The following DIS3L2 variants were observed in gnomAD, a reference collection of about 807,000 sequenced individuals.
The protein encoded by DIS3L2 is DIS3-like exonuclease 2.
In DIS3L2, 34 loss-of-function variants were observed where a neutral mutation model predicts 97.5. That is an observed-to-expected ratio of 0.35 (90% CI 0.27 to 0.46). The LOEUF is 0.46. Among genes scored for constraint, DIS3L2 ranks in the 20% least tolerant of loss-of-function variants. The pLI, the probability that DIS3L2 is intolerant of heterozygous loss-of-function variation, is 1.00. For missense variants in DIS3L2, 1,038 were observed against 1,146.0 expected, an observed-to-expected ratio of 0.91 and a Z score of 1.36; for synonymous variants, 435 against 445.2, an observed-to-expected ratio of 0.98 and a Z score of 0.29.
chr2:232,045,396 C>T (rs1695210198), intron 5 of DIS3L2, among the ~76,000 whole-genome samples: 1 of 152,120 alleles, frequency 6.6e-6, no homozygotes, highest in Admixed American at 6.5e-5. Context: ...TTTTGTGCTG[C>T]TGTAACAAAA....
chr2:232,291,163 A>C (rs1022822876), intron 13 of DIS3L2, among the ~76,000 whole-genome samples: 2 of 152,230 alleles, frequency 1.3e-5, no homozygotes, highest in Admixed American at 1.3e-4. Flanking sequence ...TTGCCATAGA[A>C]TCGTCATTAA....
chr2:231,995,412 TG>T (rs1693705523), intron 1 of DIS3L2, among the ~76,000 whole-genome samples: 1 of 152,200 alleles, frequency 6.6e-6, no homozygotes, highest in South Asian at 2.1e-4. Flanking sequence ...GACTTTCCTA[TG>T]GAACCTAGAT....
intron 10 of DIS3L2, among the ~76,000 whole-genome samples, chr2:232,216,092 G>A (rs1025463848): frequency 5.9e-5 from 9 of 152,174 alleles, no homozygotes; most frequent in Non-Finnish European, 1.2e-4. Flanking sequence ...ACTTTCACTT[G>A]TGTCTGTCAG....
intron 1 of DIS3L2, among the ~76,000 whole-genome samples, chr2:231,989,741 G>A (rs1693532446): frequency 6.6e-6 from 1 of 152,146 alleles, no homozygotes; most frequent in African/African-American, 2.4e-5. Flanking sequence ...GAGCTGAAGT[G>A]GGAGGATTAC....
At chr2:231,982,926 C>T (rs1270796768) in intron 1 of DIS3L2, among the ~76,000 whole-genome samples, 2 of 152,094 alleles carry the variant, frequency 1.3e-5, no homozygotes, top group Non-Finnish European at 2.9e-5. Flanking sequence ...ATGATCCACC[C>T]ACCTCGGCCT....
chr2:232,031,725 C>T (rs1466373112), intron 5 of DIS3L2, among the ~76,000 whole-genome samples: 4 of 151,984 alleles, frequency 2.6e-5, no homozygotes, highest in African/African-American at 9.7e-5. Context: ...TTGTTCACCT[C>T]CCACTTATGA....
At chr2:232,071,157 A>G (rs1696005133) in intron 5 of DIS3L2, among the ~76,000 whole-genome samples, 1 of 152,194 alleles carries the variant, frequency 6.6e-6, no homozygotes, top group African/African-American at 2.4e-5. Flanking sequence ...AAGGGAGTTA[A>G]TATAGTTTTC....
chr2:232,243,547 A>G (rs1289360731), intron 11 of DIS3L2, among the ~76,000 whole-genome samples: 3 of 152,148 alleles, frequency 2.0e-5, no homozygotes, highest in Admixed American at 2.0e-4. Flanking sequence ...CAACACAGAG[A>G]TCTTTGCTCA....
intron 12 of DIS3L2, 61 bp from the exon 13 acceptor site, chr2:232,263,146 G>T: frequency 6.5e-7 from 1 of 1,545,002 alleles, no homozygotes; most frequent in Admixed American, 1.8e-5. Context: ...ATGGCTGAAG[G>T]AAGAAAAACC....
At position 231,965,447 on chromosome 2, in the gene DIS3L2, CT is replaced by C. The variant is rs36010857; in HGVS notation, c.-94+3697del. Among the ~76,000 whole-genome samples the C allele has an allele frequency of 5.6e-3, 781 of 140,210 alleles. 2 individuals carry two copies. The highest frequency in any genetic ancestry group is 0.012 in the African/African-American group (444 of 38,052). 92.0% of individuals were successfully genotyped at this position (140,210 alleles called of 152,430 possible). On this transcript the variant is annotated intron_variant, in intron 1 of 20. Transcript: ENST00000325385. ...CAATTTATGTAGACATCTGAATTGACTTTTTTTTTTTTTTTGAGTTTAATGT... is the reference window on the plus strand; with the variant it reads ...CAATTTATGTAGACATCTGAATTGACTTTTTTTTTTTTTTGAGTTTAATGT...
intron 13 of DIS3L2, among the ~76,000 whole-genome samples, chr2:232,270,903 T>TCTCG (rs1220817806): frequency 1.6e-4 from 23 of 145,944 alleles, no homozygotes; most frequent in African/African-American, 5.8e-4. Flanking sequence ...TCTCTCTCTC[T>TCTCG]CTCTCTCTCT....
At chr2:232,056,111 C>T (rs1695544708) in intron 5 of DIS3L2, among the ~76,000 whole-genome samples, 1 of 152,112 alleles carries the variant, frequency 6.6e-6, no homozygotes, top group East Asian at 1.9e-4. Flanking sequence ...TGCCTTATAC[C>T]TGTAATCCCA....
At chr2:232,291,507 G>A (rs1442132403) in intron 13 of DIS3L2, among the ~76,000 whole-genome samples, 3 of 152,238 alleles carry the variant, frequency 2.0e-5, no homozygotes, top group Admixed American at 6.5e-5. Context: ...AGAGTCAACC[G>A]TGGAGAGGCT....
chr2:231,991,154 G>T (rs1303381316), intron 1 of DIS3L2, among the ~76,000 whole-genome samples: 1 of 151,690 alleles, frequency 6.6e-6, no homozygotes, highest in African/African-American at 2.4e-5. Context: ...TGATCCGCCT[G>T]TCTCGGTCTC....
In DIS3L2 at chr2:232,163,510, A is replaced by C. The variant is rs2106377150; in HGVS notation, c.1002A>C (p.Glu334Asp). 10 of 1,614,184 alleles carry C rather than the reference A, an allele frequency of 6.2e-6. No individual in the cohort carries two copies. The highest frequency in any genetic ancestry group is 8.5e-6 in the Non-Finnish European group (10 of 1,179,996). ...GQAGEIEPETEGILTEYGVDF... is the reference protein window; with the variant it reads ...GQAGEIEPETDGILTEYGVDF... ...CTGGTGAAATTGAGCCTGAAACAGA[A>C]GGAATACTAACAGAGTATGGCGTGG... The change falls in exon 9 of 21, where the codon GAA (glutamate) becomes GAC (aspartate). Residue 334 changes from glutamate (E) to aspartate (D), a missense_variant. Glu to Asp is a conservative substitution (Grantham distance 45). Coordinates refer to ENST00000325385, the MANE Select transcript of DIS3L2 (RefSeq NM_152383.5).
At chr2:232,340,048 A>T (rs1696071034), downstream of DIS3L2, among the ~76,000 whole-genome samples, 1 of 152,196 alleles carries the variant, frequency 6.6e-6, no homozygotes, top group Admixed American at 6.5e-5. Context: ...GCCTGGGGCC[A>T]GGCCTGACTG....
chr2:232,237,861 A>C (rs890300450), intron 10 of DIS3L2, among the ~76,000 whole-genome samples: 1 of 152,220 alleles, frequency 6.6e-6, no homozygotes. Context: ...AGTATGAGCC[A>C]AGCCAACATC....
At chr2:232,224,663 A>G (rs1044037702) in intron 10 of DIS3L2, among the ~76,000 whole-genome samples, 7 of 151,948 alleles carry the variant, frequency 4.6e-5, no homozygotes, top group African/African-American at 1.7e-4. Context: ...ACATGGTAAA[A>G]ACCTCTTTCT....
At chr2:232,243,881 C>T (rs1177447111) in intron 11 of DIS3L2, among the ~76,000 whole-genome samples, 1 of 152,178 alleles carries the variant, frequency 6.6e-6, no homozygotes, top group Non-Finnish European at 1.5e-5. Flanking sequence ...AGGGTGCAGG[C>T]TTTTCCAAAA....
Sources: allele counts gnomAD v4.1 joint callset (sites outside exome capture counted in the v4.1 genomes callset), GRCh38; gene constraint gnomAD v4.1.1; transcripts MANE v1.5; gene names NCBI Gene and HGNC (gene_info 2026-07-23, HGNC 2026-07-21).